The following C1QTNF2 variants were observed in gnomAD, a reference collection of about 807,000 sequenced individuals.
The protein encoded by C1QTNF2 is C1q and TNF related 2, also known as complement C1q tumor necrosis factor-related protein 2.
A neutral mutation model predicts 17.4 loss-of-function variants in C1QTNF2; 15 were observed. The ratio of observed to expected loss-of-function variants is 0.86; its 90% CI spans 0.58 to 1.33. The LOEUF is 1.33. C1QTNF2 is among the 40% of genes most tolerant of loss of function. C1QTNF2 has a pLI of 0.00. For synonymous variants in C1QTNF2, 154 were observed against 163.3 expected (o/e 0.94, Z 0.44); for missense variants, 381 against 392.3 (o/e 0.97, Z 0.24).
At chr5:160,350,905 C>T (rs1763907513) in intron 2 of C1QTNF2, among the ~76,000 whole-genome samples, 4 of 152,122 alleles carry the variant, frequency 2.6e-5, no homozygotes, top group Admixed American at 2.0e-4. Context: ...CACCTGCCAC[C>T]ACGCCCGGCT....
In C1QTNF2 at chr5:160,354,844, C is replaced by T; in HGVS notation, c.168G>A (p.Met56Ile). The T allele has an allele frequency of 6.2e-7, 1 of 1,612,876 alleles. No individual in the cohort carries two copies. Among genetic ancestry groups the T allele is most frequent in the South Asian group, 1.1e-5 (1 of 90,670 alleles). Reference protein sequence around the residue: ...GPPGAPGPSGMMGRMGFPGKD... With the variant: ...GPPGAPGPSGIMGRMGFPGKD... ...TGCCAGGAAAGCCCATTCGTCCCATCATTCCTGAGGGCCCTGGGGCTCCTG... is the reference window on the plus strand; with the variant it reads ...TGCCAGGAAAGCCCATTCGTCCCATTATTCCTGAGGGCCCTGGGGCTCCTG... The change falls in exon 2 of 3, where the codon ATG (methionine) becomes ATA (isoleucine). Residue 56 changes from methionine (M) to isoleucine (I), a missense_variant. By Grantham distance (10) the Met-to-Ile change is conservative. Transcript: ENST00000652664.
intron 1 of C1QTNF2, among the ~76,000 whole-genome samples, chr5:160,366,839 T>C (rs769865996): frequency 3.1e-5 from 4 of 130,798 alleles, no homozygotes; most frequent in Non-Finnish European, 5.5e-5. Context: ...GCCTGGACAA[T>C]ATGGCAAAAC....
At position 160,354,998 on chromosome 5, in the gene C1QTNF2, A is replaced by C; in HGVS notation, c.14T>G (p.Val5Gly). 1 of 1,575,388 alleles carries C rather than the reference A, an allele frequency of 6.3e-7. No individual in the cohort carries two copies. Among genetic ancestry groups the C allele is most frequent in the Non-Finnish European group, 8.6e-7 (1 of 1,162,144 alleles). Residue 5 changes from valine to glycine, a missense_variant, in exon 2 of 3, where the codon GTG becomes GGG. Val to Gly is a moderately radical substitution (Grantham distance 109). Transcript: ENST00000652664. MIPW[V>G]LLACALPCAA... is the part of the protein sequence containing the mutation. Reference sequence around the variant, plus strand: ...ACAGGGGAGGGCACAGGCCAGGAGCACCCAGGGGATCATGGTGGTTACCTG... The same window carrying C: ...ACAGGGGAGGGCACAGGCCAGGAGCCCCCAGGGGATCATGGTGGTTACCTG...
intron 1 of C1QTNF2, among the ~76,000 whole-genome samples, chr5:160,361,603 T>C (rs1764155223): frequency 6.6e-6 from 1 of 152,110 alleles, no homozygotes; most frequent in African/African-American, 2.4e-5. Context: ...ATAGTATACC[T>C]ACCTCAGGGA....
chr5:160,359,412 T>C (rs537521964), intron 1 of C1QTNF2, among the ~76,000 whole-genome samples: 1 of 152,354 alleles, frequency 6.6e-6, no homozygotes, highest in Admixed American at 6.5e-5. Flanking sequence ...CTGATCCTAG[T>C]ACCCAAATGC....
At chr5:160,355,546 G>A (rs1278612727) in intron 1 of C1QTNF2, among the ~76,000 whole-genome samples, 1 of 152,212 alleles carries the variant, frequency 6.6e-6, no homozygotes, top group African/African-American at 2.4e-5. Context: ...GACCCTGGCA[G>A]GCCGTGGTAG....
At chr5:160,366,887 G>GGTGGTGCATGCCT in intron 1 of C1QTNF2, among the ~76,000 whole-genome samples, 1 of 132,652 alleles carries the variant, frequency 7.5e-6, no homozygotes, top group Non-Finnish European at 1.8e-5. Context: ...AGCCGGGCGT[G>GGTGGTGCATGCCT]GTGGTGCATG....
rs1330838120 is a variant in C1QTNF2 at position 160,348,571 on chromosome 5, GA to G, written c.*596del. 1 of 152,366 alleles carries G rather than the reference GA, an allele frequency of 6.6e-6. No homozygotes were observed. Among genetic ancestry groups the G allele is most frequent in the African/African-American group, 2.4e-5 (1 of 41,454 alleles). 9.4% of individuals were successfully genotyped at this position (152,366 alleles called of 1,614,324 possible). A position where few individuals can be genotyped will look rare whatever the true frequency, so the allele number is the denominator to read the frequency against. On this transcript the variant is annotated 3_prime_UTR_variant, in exon 3 of 3. Coordinates refer to ENST00000652664, the MANE Select transcript of C1QTNF2 (RefSeq NM_031908.6). ...TGGAAATTTTCCAGGTACTGACTTA[GA>G]GGGGTCTTAAGAGAGCTTTTGGGGA...
Position 160,349,009 on chromosome 5 carries a change from T to A in C1QTNF2, c.*159A>T. ...ATAGATGGTTGGATGAATAAAAAGG[T>A]TTGGATTTAATGAAGGGGAAAAAAA... On this transcript the variant is annotated 3_prime_UTR_variant, in exon 3 of 3. Coordinates refer to ENST00000652664, the MANE Select transcript of C1QTNF2 (RefSeq NM_031908.6). The surrounding 1 kb of genome is among the most constrained non-coding windows in gnomAD (Gnocchi z 4.3). 1.2e-6 allele frequency: 1 copy of A among 818,136 alleles called. No individual in the cohort carries two copies. The highest frequency in any genetic ancestry group is 1.9e-6 in the Non-Finnish European group (1 of 533,100). 50.7% of individuals were successfully genotyped at this position (818,136 alleles called of 1,614,324 possible). A position where few individuals can be genotyped will look rare whatever the true frequency, so the allele number is the denominator to read the frequency against.
At chr5:160,368,206 A>C (rs1031164147) in intron 1 of C1QTNF2, among the ~76,000 whole-genome samples, 14 of 152,194 alleles carry the variant, frequency 9.2e-5, no homozygotes, top group African/African-American at 2.2e-4. Flanking sequence ...TATTTGCTTG[A>C]AAAAATATTT....
At chr5:160,361,506 A>G (rs1353010089) in intron 1 of C1QTNF2, among the ~76,000 whole-genome samples, 1 of 152,210 alleles carries the variant, frequency 6.6e-6, no homozygotes, top group East Asian at 1.9e-4. Flanking sequence ...GTTTTGACAC[A>G]CTGACAGATA....
intron 1 of C1QTNF2, among the ~76,000 whole-genome samples, chr5:160,365,725 G>T (rs1041717275): frequency 1.3e-5 from 2 of 152,192 alleles, no homozygotes; most frequent in South Asian, 4.1e-4. Context: ...TCTGTAAAAT[G>T]AGAAAAATAA....
intron 2 of C1QTNF2, among the ~76,000 whole-genome samples, 171 bp downstream of exon 2, chr5:160,354,597 A>AAAAAAATATATATATAT (rs769774870): frequency 1.1e-5 from 1 of 89,304 alleles, no homozygotes; most frequent in African/African-American, 4.8e-5. Flanking sequence ...AAAAAAAAAA[A>AAAAAAATATATATATAT]GTATATATAT....
chr5:160,354,179 G>C (rs116092876), intron 2 of C1QTNF2, among the ~76,000 whole-genome samples: 358 of 152,228 alleles, frequency 2.4e-3, no homozygotes, highest in African/African-American at 8.3e-3. Flanking sequence ...CAATTATCAA[G>C]AGTTCTCAGT....
rs558390391 is a variant in C1QTNF2, at chr5:160,358,974, T to C, written c.-9-3954A>G. Among the ~76,000 whole-genome samples, 10 of 152,010 alleles carry C rather than the reference T, an allele frequency of 6.6e-5. No individual in the cohort carries two copies. The South Asian group carries it at 2.1e-3, about 32-fold the overall frequency. The stretch of plus-strand genomic sequence containing the variant: ...TTTTGTATTTTTTGTAGAGATGGGG[T>C]CTTGCCATGTCATCCGCTGGTCTCA... On this transcript the variant is annotated intron_variant, in intron 1 of 2. Coordinates refer to ENST00000652664, the MANE Select transcript of C1QTNF2 (RefSeq NM_031908.6).
intron 1 of C1QTNF2, 69 bp downstream of exon 1, chr5:160,370,443 C>G: frequency 7.3e-7 from 1 of 1,366,084 alleles, no homozygotes; most frequent in Non-Finnish European, 9.4e-7. Context: ...CGCAGCAGTG[C>G]GAGTCCTCCT....
intron 1 of C1QTNF2, 148 bp from the exon 2 acceptor site, chr5:160,355,168 T>C (rs3811998): frequency 0.46 from 646,603 of 1,398,178 alleles, 153,486 homozygotes; most frequent in Non-Finnish European, 0.49. Context: ...TACAAGTAGA[T>C]GTGATGTGGA....
At position 160,355,006 on chromosome 5, in the gene C1QTNF2, G is replaced by A; in HGVS notation, c.6C>T (p.Ile2=). The A allele has an allele frequency of 3.2e-6, 5 of 1,564,924 alleles. No homozygotes were observed. The highest frequency in any genetic ancestry group is 3.5e-6 in the Non-Finnish European group (4 of 1,156,522). The change falls in exon 2 of 3, where the codon ATC becomes ATT. Residue 2 remains isoleucine (I), a synonymous_variant. Transcript: ENST00000652664. M[I]PWVLLACALP... is the part of the protein sequence containing the mutation. The stretch of plus-strand genomic sequence containing the variant: ...GGGCACAGGCCAGGAGCACCCAGGG[G>A]ATCATGGTGGTTACCTGTGGGAGGC...
chr5:160,358,069 G>A (rs1227840140), intron 1 of C1QTNF2, among the ~76,000 whole-genome samples: 1 of 152,246 alleles, frequency 6.6e-6, no homozygotes, highest in Non-Finnish European at 1.5e-5. Context: ...GCCTGTCTGC[G>A]AAAGCTGGTT....
Sources: gnomAD v4.1 joint callset for allele counts (sites outside exome capture counted in the v4.1 genomes callset) on GRCh38, gnomAD v4.1.1 for gene constraint, Gnocchi (gnomAD v3.1) non-coding constraint, MANE v1.5 for transcripts, NCBI Gene and HGNC (gene_info 2026-07-23, HGNC 2026-07-21) for gene names.